Variants in NCOA6 observed in about 807,000 individuals in gnomAD.
NCOA6 encodes the protein nuclear receptor coactivator 6.
A neutral mutation model predicts 171.4 loss-of-function variants in NCOA6; 49 were observed. That is an observed-to-expected ratio of 0.29 (90% CI 0.23 to 0.36). The LOEUF is 0.36. NCOA6 is among the 10% of genes least tolerant of loss of function. The pLI is 1.00. For missense variants in NCOA6, 2,248 were observed against 2,554.5 expected, an observed-to-expected ratio of 0.88 and a Z score of 2.59; for synonymous variants, 910 against 927.5, an observed-to-expected ratio of 0.98 and a Z score of 0.34.
At chr20:34,804,158 G>A (rs1454327180) in intron 1 of NCOA6, among the ~76,000 whole-genome samples, 9 of 151,988 alleles carry the variant, frequency 5.9e-5, no homozygotes, top group Non-Finnish European at 1.3e-4. Flanking sequence ...CCAATATGGT[G>A]AAACGCCATC....
intron 13 of NCOA6, among the ~76,000 whole-genome samples, chr20:34,731,972 G>A (rs1027692575): frequency 1.3e-5 from 2 of 152,232 alleles, no homozygotes; most frequent in African/African-American, 4.8e-5. Flanking sequence ...AGTGTGCCGA[G>A]ATCGTGCAAC....
chr20:34,750,591 A>T, intron 8 of NCOA6, 72 bp from the exon 9 acceptor site: 1 of 1,420,408 alleles, frequency 7.0e-7, no homozygotes, highest in Non-Finnish European at 9.3e-7. Flanking sequence ...TACTCAAGTT[A>T]CATTACTCAG....
intron 3 of NCOA6, among the ~76,000 whole-genome samples, chr20:34,777,179 A>G (rs1357687413): frequency 6.6e-6 from 1 of 152,114 alleles, no homozygotes; most frequent in East Asian, 1.9e-4. Flanking sequence ...CAAATGGCCA[A>G]TAAGCACATG....
intron 1 of NCOA6, among the ~76,000 whole-genome samples, chr20:34,799,904 T>C (rs2078201420): frequency 1.3e-5 from 2 of 152,128 alleles, no homozygotes; most frequent in Admixed American, 1.3e-4. Context: ...CATCTGAAGA[T>C]ACAAAACTCA....
At chr20:34,781,245 C>A (rs1395537275) in intron 3 of NCOA6, among the ~76,000 whole-genome samples, 3 of 152,072 alleles carry the variant, frequency 2.0e-5, no homozygotes, top group African/African-American at 4.8e-5. Flanking sequence ...AACCCCCAAG[C>A]CTTAAAAGAA....
At position 34,750,418 on chromosome 20, in the gene NCOA6, T is replaced by G. The variant is rs763053859; in HGVS notation, c.1777A>C (p.Asn593His). 3 of 1,614,136 alleles carry G rather than the reference T, an allele frequency of 1.9e-6. No homozygotes were observed. The South Asian group carries it at 3.3e-5, about 18-fold the overall frequency. Residue 593 changes from asparagine (N) to histidine (H), a missense_variant, in exon 9 of 15, where the codon AAT becomes CAT. This residue lies in a region of NCOA6 where 987 missense variants were observed against 1,104.7 expected (regional missense o/e 0.89). Coordinates refer to ENST00000359003, the MANE Select transcript of NCOA6 (RefSeq NM_014071.5). ...SLMGIHGNMNNQQAGTSGVPQ... is the reference protein window; with the variant it reads ...SLMGIHGNMNHQQAGTSGVPQ... ...ACCCCAGAAGTACCAGCCTGCTGAT[T>G]GTTCATGTTGCCATGAATTCCCATG...
At chr20:34,810,492 T>G in intron 1 of NCOA6, among the ~76,000 whole-genome samples, 1 of 152,148 alleles carries the variant, frequency 6.6e-6, no homozygotes, top group East Asian at 1.9e-4. Context: ...TTGAAGCTAT[T>G]GTACCATCCA....
At position 34,742,123 on chromosome 20, in the gene NCOA6, G is replaced by C. The variant is rs2076163775; in HGVS notation, c.4133C>G (p.Pro1378Arg). Reference protein sequence around the residue: ...VELPRNVLVSPTPLANPPVPG... With the variant: ...VELPRNVLVSRTPLANPPVPG... ...TACAGGGGGATTGGCCAGAGGAGTGGGACTGACCAATACATTTCTCGGCAA... is the reference window on the plus strand; with the variant it reads ...TACAGGGGGATTGGCCAGAGGAGTGCGACTGACCAATACATTTCTCGGCAA... Residue 1378 changes from proline to arginine, a missense_variant, in exon 11 of 15, where the codon CCC becomes CGC. Transcript: ENST00000359003. 2 of 1,613,986 alleles carry C rather than the reference G, an allele frequency of 1.2e-6. No individual in the cohort carries two copies. Among genetic ancestry groups the C allele is most frequent in the Non-Finnish European group, 1.7e-6 (2 of 1,180,040 alleles).
intron 8 of NCOA6, 75 bp from the exon 9 acceptor site, chr20:34,750,594 T>C (rs1436330851): frequency 5.6e-6 from 8 of 1,416,566 alleles, no homozygotes; most frequent in Non-Finnish European, 7.5e-6. Flanking sequence ...TCAAGTTACA[T>C]TACTCAGAAA....
intron 12 of NCOA6, 139 bp from the exon 13 acceptor site, chr20:34,732,734 G>A: frequency 1.6e-6 from 1 of 635,044 alleles, no homozygotes; most frequent in South Asian, 2.2e-5. Flanking sequence ...ACATGGTATG[G>A]AGACAAAGCT....
At chr20:34,798,753 CCA>C (rs1207831333) in intron 1 of NCOA6, among the ~76,000 whole-genome samples, 1 of 152,170 alleles carries the variant, frequency 6.6e-6, no homozygotes, top group Non-Finnish European at 1.5e-5. Flanking sequence ...TCTGCAAGAG[CCA>C]CAGTTTTACT....
At chr20:34,805,043 CTT>C (rs202086666) in intron 1 of NCOA6, among the ~76,000 whole-genome samples, 16 of 142,002 alleles carry the variant, frequency 1.1e-4, no homozygotes, top group African/African-American at 1.0e-4. Flanking sequence ...TTCTTATACC[CTT>C]TTTTTTTTTT....
intron 2 of NCOA6, among the ~76,000 whole-genome samples, chr20:34,788,666 T>C (rs1024884662): frequency 2.0e-5 from 3 of 152,136 alleles, no homozygotes; most frequent in African/African-American, 7.2e-5. Context: ...GGTTTTAAAG[T>C]TGAAGATTAA....
In NCOA6 at chr20:34,782,311, G is replaced by A. The variant is rs138060369; in HGVS notation, c.45C>T (p.Ser15=). 2,494 of 1,612,420 alleles carry A rather than the reference G, an allele frequency of 1.5e-3. 85 individuals carry two copies. In the Admixed American group the frequency reaches 0.04, roughly 26 times the overall value. The part of the protein sequence containing the change: ...DLPNLEDIYT[S]LCSSTMEDSE... ...AGTCTTCCATTGTTGATGAACACAA[G>A]GAAGTATAGATGTCTTCTAAGTTTG... Residue 15 remains serine (S), a synonymous_variant, in exon 3 of 15, where the codon TCC becomes TCT. Coordinates refer to ENST00000359003, the MANE Select transcript of NCOA6 (RefSeq NM_014071.5).
intron 2 of NCOA6, among the ~76,000 whole-genome samples, chr20:34,790,598 AC>A (rs1363712689): frequency 1.3e-5 from 2 of 151,896 alleles, no homozygotes; most frequent in African/African-American, 2.4e-5. Context: ...CTCGTGATGT[AC>A]CCGCCTCGGC....
At chr20:34,734,417 T>C (rs893543276) in intron 12 of NCOA6, among the ~76,000 whole-genome samples, 14 of 152,036 alleles carry the variant, frequency 9.2e-5, no homozygotes, top group Non-Finnish European at 1.8e-4. Flanking sequence ...TGGAGTGCAA[T>C]GGGATCACAG....
intron 1 of NCOA6, among the ~76,000 whole-genome samples, chr20:34,803,931 G>C (rs1051964431): frequency 9.9e-5 from 15 of 151,448 alleles, no homozygotes; most frequent in African/African-American, 3.1e-4. Context: ...CCGGGAGGTG[G>C]AGGTTGCGCC....
intron 1 of NCOA6, among the ~76,000 whole-genome samples, chr20:34,800,330 C>G (rs919971963): frequency 1.3e-5 from 2 of 151,966 alleles, no homozygotes; most frequent in Non-Finnish European, 2.9e-5. Context: ...CACAAAACAA[C>G]CAGAAAACCA....
intron 2 of NCOA6, among the ~76,000 whole-genome samples, chr20:34,789,527 C>G (rs1235276864): frequency 6.6e-6 from 1 of 152,170 alleles, no homozygotes; most frequent in Non-Finnish European, 1.5e-5. Context: ...AATCCCAGCA[C>G]TTTGGGAAGC....
Sources: gnomAD v4.1 joint callset for allele counts (sites outside exome capture counted in the v4.1 genomes callset) on GRCh38, gnomAD v4.1.1 for gene constraint, gnomAD v4.1.1 regional missense constraint, MANE v1.5 for transcripts, NCBI Gene and HGNC (gene_info 2026-07-23, HGNC 2026-07-21) for gene names.